Variants in RCOR1 observed in about 807,000 individuals in gnomAD.
The protein encoded by RCOR1 is REST corepressor.
Under a neutral mutation model 64.0 loss-of-function variants are expected in RCOR1, and 12 were observed. The ratio of observed to expected loss-of-function variants is 0.19; its 90% CI spans 0.12 to 0.30. The LOEUF is 0.30. Ranked by LOEUF, RCOR1 falls within the 10% of genes least tolerant of loss-of-function variation. The pLI is 1.00. For synonymous variants in RCOR1, 279 were observed against 227.2 expected, an observed-to-expected ratio of 1.23 and a Z score of -2.05; for missense variants, 502 against 621.2, an observed-to-expected ratio of 0.81 and a Z score of 2.04.
intron 2 of RCOR1, chr14:102,658,410 T>C (rs1331792311): frequency 4.0e-6 from 2 of 496,750 alleles, no homozygotes; most frequent in Non-Finnish European, 2.6e-6. Flanking sequence ...GTGCTTGAAC[T>C]AGGGAGGTAA....
Position 102,714,464 on chromosome 14 carries a change from A to G in RCOR1, c.900A>G (p.Lys300=), listed in dbSNP as rs1254512154. 8 of 1,613,382 alleles carry G rather than the reference A, an allele frequency of 5.0e-6. No homozygotes were observed. The highest frequency in any genetic ancestry group is 6.8e-6 in the Non-Finnish European group (8 of 1,179,560). ...TETVPQVKKE[K]HSTQAKNRAK... is the part of the protein sequence containing the mutation. ...CAGTTCCTCAGGTCAAAAAAGAAAAACATAGCACACAAGCTAAAAATAGAG... is the reference window on the plus strand; with the variant it reads ...CAGTTCCTCAGGTCAAAAAAGAAAAGCATAGCACACAAGCTAAAAATAGAG... Residue 300 remains lysine, a synonymous_variant, in exon 8 of 12, where the codon AAA becomes AAG. Coordinates refer to ENST00000262241, the MANE Select transcript of RCOR1 (RefSeq NM_015156.4).
In RCOR1 at chr14:102,592,698, C is replaced by A. The variant is rs530001856; in HGVS notation, c.-189C>A. 1.6e-6 allele frequency: 2 copies of A among 1,227,584 alleles called. No individual in the cohort carries two copies. Among genetic ancestry groups the A allele is most frequent in the Non-Finnish European group, 2.0e-6 (2 of 985,320 alleles). 76.0% of individuals were successfully genotyped at this position (1,227,584 alleles called of 1,614,324 possible). A position where few individuals can be genotyped will look rare whatever the true frequency, so the allele number is the denominator to read the frequency against. The stretch of plus-strand genomic sequence containing the variant: ...ATGAGAGCGAAAGTTGCGCTCGGCT[C>A]GTCGCTGGGGGCTTGAAGCGGCTCC... On this transcript the variant is annotated 5_prime_UTR_variant, in exon 1 of 12. It introduces an in-frame stop codon into an upstream open reading frame of the 5' UTR. Transcript: ENST00000262241.
intron 2 of RCOR1, among the ~76,000 whole-genome samples, chr14:102,636,743 G>A (rs1159304751): frequency 6.6e-6 from 1 of 151,788 alleles, no homozygotes; most frequent in African/African-American, 2.4e-5. Context: ...GCCGAGGCAG[G>A]CGGATCACCT....
At chr14:102,605,321 A>G (rs191282437) in intron 2 of RCOR1, among the ~76,000 whole-genome samples, 38 of 152,236 alleles carry the variant, frequency 2.5e-4, no homozygotes, top group African/African-American at 7.5e-4. Context: ...TGTATGTTGA[A>G]ATAGTCATCT....
At chr14:102,670,140 G>A (rs373565983) in intron 2 of RCOR1, among the ~76,000 whole-genome samples, 23 of 152,130 alleles carry the variant, frequency 1.5e-4, no homozygotes, top group African/African-American at 4.8e-4. Flanking sequence ...TAGTAGAGAC[G>A]GGGTTTCACC....
intron 2 of RCOR1, chr14:102,657,837 CAAAAAAAAAAAAA>C: frequency 1.3e-6 from 1 of 745,496 alleles, no homozygotes; most frequent in South Asian, 6.6e-5. Flanking sequence ...GACTCCGTCT[CAAAAAAAAAAAAA>C]AAAAAAAAGA....
At chr14:102,625,106 C>T (rs561544221) in intron 2 of RCOR1, among the ~76,000 whole-genome samples, 1 of 152,182 alleles carries the variant, frequency 6.6e-6, no homozygotes, top group East Asian at 1.9e-4. Flanking sequence ...AACTCCTCAC[C>T]TCAAGGGATC....
intron 2 of RCOR1, among the ~76,000 whole-genome samples, chr14:102,660,563 T>A (rs1399794796): frequency 6.6e-6 from 1 of 151,992 alleles, no homozygotes; most frequent in Non-Finnish European, 1.5e-5. Flanking sequence ...AGAGACGGAG[T>A]CTTGCTGTGT....
intron 2 of RCOR1, among the ~76,000 whole-genome samples, chr14:102,608,837 T>C (rs1459971780): frequency 6.6e-6 from 1 of 151,972 alleles, no homozygotes; most frequent in East Asian, 1.9e-4. Context: ...AATGCTGAGC[T>C]TATAGGCATG....
At chr14:102,714,895 G>T (rs944767583) in intron 8 of RCOR1, among the ~76,000 whole-genome samples, 34 of 152,172 alleles carry the variant, frequency 2.2e-4, no homozygotes, top group African/African-American at 7.2e-4. Flanking sequence ...GTGTCTCCAT[G>T]ATTTCTCACA....
chr14:102,655,919 C>T (rs1413724580), intron 2 of RCOR1: 1 of 948,724 alleles, frequency 1.1e-6, no homozygotes, highest in Non-Finnish European at 1.3e-6. Context: ...CGCCACTGCA[C>T]TCCAGCCTGG....
intron 2 of RCOR1, among the ~76,000 whole-genome samples, chr14:102,618,162 T>TG (rs1893802702): frequency 2.0e-5 from 3 of 151,568 alleles, no homozygotes; most frequent in African/African-American, 2.4e-5. Context: ...TTAGTAGAGA[T>TG]GGGGTCTCAC....
intron 2 of RCOR1, among the ~76,000 whole-genome samples, chr14:102,663,004 T>TA (rs1894854701): frequency 1.3e-5 from 2 of 152,340 alleles, no homozygotes; most frequent in Admixed American, 6.5e-5. Flanking sequence ...TCTCATCTTG[T>TA]AGCTCCTATA....
At chr14:102,636,610 C>CG (rs1894243117) in intron 2 of RCOR1, among the ~76,000 whole-genome samples, 1 of 151,960 alleles carries the variant, frequency 6.6e-6, no homozygotes, top group Non-Finnish European at 1.5e-5. Flanking sequence ...GTTTGTAGAT[C>CG]ATTCTTCTTT....
chr14:102,652,163 C>A (rs926706980), intron 2 of RCOR1, among the ~76,000 whole-genome samples: 2 of 152,154 alleles, frequency 1.3e-5, no homozygotes, highest in African/African-American at 2.4e-5. Flanking sequence ...ATGTACCAGA[C>A]GTTTGCTACT....
intron 2 of RCOR1, among the ~76,000 whole-genome samples, chr14:102,651,408 C>G (rs757028331): frequency 9.2e-5 from 14 of 152,046 alleles, no homozygotes; most frequent in African/African-American, 3.4e-4. Context: ...CAAAAATTAG[C>G]TGGGCGTGGT....
chr14:102,665,334 TAA>T (rs1894898724), intron 2 of RCOR1, among the ~76,000 whole-genome samples: 3 of 123,878 alleles, frequency 2.4e-5, no homozygotes, highest in African/African-American at 3.1e-5. Context: ...TTTTTTTAAA[TAA>T]AATAGGCTTT....
intron 11 of RCOR1, among the ~76,000 whole-genome samples, chr14:102,722,826 G>A (rs1316640508): frequency 1.3e-5 from 2 of 152,210 alleles, no homozygotes; most frequent in African/African-American, 4.8e-5. Context: ...TCATCATGAC[G>A]CAGCACAGCG....
At chr14:102,694,135 G>A (rs1895596375) in intron 3 of RCOR1, among the ~76,000 whole-genome samples, 1 of 152,174 alleles carries the variant, frequency 6.6e-6, no homozygotes, top group Non-Finnish European at 1.5e-5. Context: ...TGCCCTACCA[G>A]CAACTACTGG....
Sources: gnomAD v4.1 joint callset for allele counts (sites outside exome capture counted in the v4.1 genomes callset) on GRCh38, gnomAD v4.1.1 for gene constraint, MANE v1.5 for transcripts, NCBI Gene and HGNC (gene_info 2026-07-23, HGNC 2026-07-21) for gene names.